Variants in SPOCK1 observed in about 807,000 individuals in gnomAD.
SPOCK1 encodes the protein SPARC (osteonectin), cwcv and kazal like domains proteoglycan 1, also known as testican-1.
A neutral mutation model predicts 55.3 loss-of-function variants in SPOCK1; 23 were observed. The observed-to-expected ratio is 0.42, with a 90% CI of 0.30 to 0.59. The LOEUF (loss-of-function observed/expected upper bound fraction) is 0.59. Among genes scored for constraint, SPOCK1 ranks in the 20% least tolerant of loss-of-function variants. The probability of loss-of-function intolerance (pLI) is 0.22; values close to 1 mark genes in which losing one functional copy is unlikely to be tolerated. For synonymous variants in SPOCK1, 226 were observed against 221.0 expected (o/e 1.02, Z -0.20); for missense variants, 499 against 552.5 (o/e 0.90, Z 0.97).
At chr5:137,038,015 G>A (rs1008621892) in intron 6 of SPOCK1, among the ~76,000 whole-genome samples, 6 of 152,200 alleles carry the variant, frequency 3.9e-5, no homozygotes, top group Non-Finnish European at 1.5e-5. Flanking sequence ...CTACCTAACT[G>A]CAAGAGGGGT....
chr5:136,995,170 T>C (rs537381968), intron 6 of SPOCK1, among the ~76,000 whole-genome samples: 1 of 152,276 alleles, frequency 6.6e-6, no homozygotes, highest in East Asian at 1.9e-4. Context: ...TTAGCGATCA[T>C]TTTGGGCTAA....
At chr5:137,006,552 C>G (rs896754076) in intron 6 of SPOCK1, among the ~76,000 whole-genome samples, 2 of 152,144 alleles carry the variant, frequency 1.3e-5, no homozygotes, top group African/African-American at 2.4e-5. Flanking sequence ...GATTTTGTAT[C>G]CTGAGACTTT....
At chr5:137,153,292 A>G (rs1754353561) in intron 3 of SPOCK1, among the ~76,000 whole-genome samples, 1 of 152,252 alleles carries the variant, frequency 6.6e-6, no homozygotes, top group South Asian at 2.1e-4. Context: ...TTTCCAGGTC[A>G]CAAAAATTCA....
At chr5:137,206,174 A>T (rs1315643627) in intron 3 of SPOCK1, among the ~76,000 whole-genome samples, 1 of 152,242 alleles carries the variant, frequency 6.6e-6, no homozygotes, top group Non-Finnish European at 1.5e-5. Context: ...AGGCTGCCAC[A>T]CTGGGCTGGA....
chr5:137,493,348 G>A (rs149879318), intron 2 of SPOCK1, among the ~76,000 whole-genome samples: 3 of 152,244 alleles, frequency 2.0e-5, no homozygotes, highest in South Asian at 2.1e-4. Flanking sequence ...CAAGTATTAC[G>A]GGTCCATTAT....
At chr5:137,289,761 G>A (rs1757333940) in intron 2 of SPOCK1, among the ~76,000 whole-genome samples, 1 of 152,144 alleles carries the variant, frequency 6.6e-6, no homozygotes, top group South Asian at 2.1e-4. Flanking sequence ...TGAGAGAGAA[G>A]ATACTTGCAT....
intron 4 of SPOCK1, among the ~76,000 whole-genome samples, chr5:137,131,912 C>T (rs1329873025): frequency 7.5e-6 from 1 of 133,396 alleles, no homozygotes; most frequent in Non-Finnish European, 1.6e-5. Context: ...GCGGAGCTTG[C>T]AGTGAGCCGA....
In SPOCK1 at chr5:137,422,518, G is replaced by A. The variant is rs562766131; in HGVS notation, c.186+75855C>T. ...CTTTTTTCTCTAAACTTCTCTTATC[G>A]CATCATTTCATTCATTTGATCTTCC... is the stretch of plus-strand genomic sequence containing the variant. On this transcript the variant is annotated intron_variant, in intron 2 of 10. Transcript: ENST00000394945. Among the ~76,000 whole-genome samples, 21 of 152,050 alleles carry A rather than the reference G, an allele frequency of 1.4e-4. No individual in the cohort carries two copies. In the South Asian group the frequency reaches 1.7e-3, roughly 12 times the overall value.
chr5:137,389,249 A>C (rs1370125605), intron 2 of SPOCK1, among the ~76,000 whole-genome samples: 2 of 152,208 alleles, frequency 1.3e-5, no homozygotes. Flanking sequence ...GGCTTCCAAG[A>C]ACACCTTGTC....
At chr5:137,159,320 T>C (rs1468529024) in intron 3 of SPOCK1, among the ~76,000 whole-genome samples, 1 of 151,950 alleles carries the variant, frequency 6.6e-6, no homozygotes, top group African/African-American at 2.4e-5. Flanking sequence ...TACCTTAGAG[T>C]TGACAATGTC....
chr5:137,117,262 G>A (rs1753605693), intron 4 of SPOCK1, among the ~76,000 whole-genome samples: 1 of 152,146 alleles, frequency 6.6e-6, no homozygotes, highest in African/African-American at 2.4e-5. Context: ...TATAGGACTG[G>A]ACAATTATTT....
chr5:137,361,591 T>C (rs60957820), intron 2 of SPOCK1, among the ~76,000 whole-genome samples: 5,168 of 152,286 alleles, frequency 0.034, 160 homozygotes, highest in African/African-American at 0.089. Context: ...ATTTCAATTA[T>C]GTAAACATTT....
chr5:137,087,267 T>G (rs187542514), intron 5 of SPOCK1, among the ~76,000 whole-genome samples: 140 of 152,286 alleles, frequency 9.2e-4, no homozygotes, highest in African/African-American at 3.3e-3. Context: ...CAGCTGCATC[T>G]GGAAGGGCTG....
chr5:137,224,377 A>G (rs1046573220), intron 3 of SPOCK1, among the ~76,000 whole-genome samples: 12 of 152,222 alleles, frequency 7.9e-5, no homozygotes, highest in African/African-American at 2.9e-4. Context: ...CTTAATTTAC[A>G]TTTATTCCTT....
chr5:137,066,171 C>T (rs1006359787), intron 6 of SPOCK1, among the ~76,000 whole-genome samples: 4 of 152,188 alleles, frequency 2.6e-5, no homozygotes, highest in African/African-American at 9.7e-5. Flanking sequence ...TGGAGTCTCA[C>T]TCTATTGCTC....
At chr5:137,417,642 G>A (rs989471683) in intron 2 of SPOCK1, among the ~76,000 whole-genome samples, 1 of 152,090 alleles carries the variant, frequency 6.6e-6, no homozygotes, top group South Asian at 2.1e-4. Context: ...TGTACTTTTT[G>A]TATCTGGCTA....
At chr5:137,216,433 G>A (rs113195483) in intron 3 of SPOCK1, among the ~76,000 whole-genome samples, 3,393 of 152,260 alleles carry the variant, frequency 0.022, 130 homozygotes, top group African/African-American at 0.078. Context: ...CAGTAAGGCC[G>A]GGTGCAGTGG....
chr5:137,360,035 A>G lies in SPOCK1; in HGVS notation c.187-92980T>C, dbSNP rs563692015. Among the ~76,000 whole-genome samples, 4 of 152,346 alleles carry G rather than the reference A, an allele frequency of 2.6e-5. No homozygotes were observed. In the South Asian group the frequency reaches 8.3e-4, roughly 32 times the overall value. Reference sequence around the variant, plus strand: ...GGGCCAACTTCTATTTCAACCACTCAGAGAGGATTTAAGACCAAGAGCAAT... The same window carrying G: ...GGGCCAACTTCTATTTCAACCACTCGGAGAGGATTTAAGACCAAGAGCAAT... On this transcript the variant is annotated intron_variant, in intron 2 of 10. Coordinates refer to ENST00000394945, the MANE Select transcript of SPOCK1 (RefSeq NM_004598.4).
chr5:137,463,649 T>C (rs1300474270), intron 2 of SPOCK1, among the ~76,000 whole-genome samples: 1 of 152,070 alleles, frequency 6.6e-6, no homozygotes, highest in African/African-American at 2.4e-5. Context: ...TAATTGTACA[T>C]TTAAAAATAA....
Sources: gnomAD v4.1 joint callset for allele counts (sites outside exome capture counted in the v4.1 genomes callset) on GRCh38, gnomAD v4.1.1 for gene constraint, MANE v1.5 for transcripts, NCBI Gene and HGNC (gene_info 2026-07-23, HGNC 2026-07-21) for gene names.